The following DOK5 variants were observed in gnomAD, a reference collection of about 807,000 sequenced individuals.
DOK5 encodes docking protein 5, also known as downstream of tyrosine kinase 5.
In DOK5, 27 loss-of-function variants were observed where a neutral mutation model predicts 43.3. The observed-to-expected ratio is 0.62, with a 90% CI of 0.46 to 0.86. The LOEUF is 0.86. Among genes scored for constraint, DOK5 ranks in the 40% least tolerant of loss-of-function variants. The pLI is 0.00. For missense variants in DOK5, 373 were observed against 392.9 expected (o/e 0.95, Z 0.43); for synonymous variants, 146 against 140.1 (o/e 1.04, Z -0.30).
At chr20:54,505,890 G>A (rs145673100) in intron 1 of DOK5, among the ~76,000 whole-genome samples, 113 of 152,340 alleles carry the variant, frequency 7.4e-4, no homozygotes, top group African/African-American at 2.6e-3. Context: ...TGGTGGAGAG[G>A]AGAGACCTGA....
At chr20:54,610,643 A>G in intron 6 of DOK5, 120 bp downstream of exon 6, 2 of 1,153,150 alleles carry the variant, frequency 1.7e-6, no homozygotes, top group Non-Finnish European at 2.3e-6. Flanking sequence ...TCCTCTTCTC[A>G]ACAGTGTATC....
rs763459430 is a variant in DOK5, at chr20:54,588,556, A to G, written c.248A>G (p.Tyr83Cys). Residue 83 changes from tyrosine to cysteine, a missense_variant, in exon 3 of 8, where the codon TAT (tyrosine) becomes TGT (cysteine). By Grantham distance (194) the Tyr-to-Cys change is radical (BLOSUM62 -2). Coordinates refer to ENST00000262593, the MANE Select transcript of DOK5 (RefSeq NM_018431.5). ...KSTKKHAIGI[Y>C]FNDDTSKTFA... ...ACCAAGAAACATGCCATAGGGATTTATTTCAATGACGATACCTCCAAGACT... is the reference window on the plus strand; with the variant it reads ...ACCAAGAAACATGCCATAGGGATTTGTTTCAATGACGATACCTCCAAGACT... 1 of 1,614,202 alleles carries G rather than the reference A, an allele frequency of 6.2e-7. No individual in the cohort carries two copies. Among genetic ancestry groups the G allele is most frequent in the South Asian group, 1.1e-5 (1 of 91,090 alleles).
chr20:54,485,481 C>CT (rs1487980977), intron 1 of DOK5, among the ~76,000 whole-genome samples: 2 of 151,616 alleles, frequency 1.3e-5, no homozygotes, highest in Non-Finnish European at 2.9e-5. Flanking sequence ...TAAGTTTGTT[C>CT]TTTTTTCTTG....
intron 1 of DOK5, among the ~76,000 whole-genome samples, chr20:54,501,341 C>A (rs945473303): frequency 6.6e-6 from 1 of 151,706 alleles, no homozygotes; most frequent in Non-Finnish European, 1.5e-5. Context: ...GTGGTGGGCG[C>A]CTGTAGACCC....
At chr20:54,493,782 A>C (rs1166180012) in intron 1 of DOK5, among the ~76,000 whole-genome samples, 2 of 151,906 alleles carry the variant, frequency 1.3e-5, no homozygotes, top group Non-Finnish European at 2.9e-5. Context: ...TACAAAAATT[A>C]AAAAAACTTT....
intron 1 of DOK5, among the ~76,000 whole-genome samples, chr20:54,542,176 G>A (rs1337785487): frequency 6.6e-6 from 1 of 150,830 alleles, no homozygotes; most frequent in Non-Finnish European, 1.5e-5. Flanking sequence ...TTGTATGAAA[G>A]CACAACAAAG....
chr20:54,556,423 C>G (rs77335675), intron 2 of DOK5, among the ~76,000 whole-genome samples: 1 of 152,128 alleles, frequency 6.6e-6, no homozygotes, highest in Admixed American at 6.5e-5. Flanking sequence ...ATCCATGAAG[C>G]CAGTGATAGC....
chr20:54,523,746 C>G (rs958907859), intron 1 of DOK5, among the ~76,000 whole-genome samples: 1 of 150,162 alleles, frequency 6.7e-6, no homozygotes, highest in Non-Finnish European at 1.5e-5. Context: ...GCTGGGATTA[C>G]AGGTGTGCAC....
chr20:54,578,875 T>C (rs1985540826), intron 2 of DOK5, among the ~76,000 whole-genome samples: 1 of 152,130 alleles, frequency 6.6e-6, no homozygotes, highest in Non-Finnish European at 1.5e-5. Context: ...AATGGCCCTA[T>C]TGAGATGAGT....
At chr20:54,573,848 A>C (rs1985372376) in intron 2 of DOK5, among the ~76,000 whole-genome samples, 2 of 152,144 alleles carry the variant, frequency 1.3e-5, no homozygotes, top group African/African-American at 2.4e-5. Flanking sequence ...TGCCCACTAG[A>C]TAAGCAGAAC....
intron 1 of DOK5, among the ~76,000 whole-genome samples, chr20:54,548,956 C>A (rs530224482): frequency 1.3e-5 from 2 of 152,120 alleles, no homozygotes; most frequent in African/African-American, 4.8e-5. Context: ...TTTAGTTTAA[C>A]GGATTACATT....
At chr20:54,543,108 T>G (rs1600691196) in intron 1 of DOK5, among the ~76,000 whole-genome samples, 2 of 152,306 alleles carry the variant, frequency 1.3e-5, no homozygotes, top group South Asian at 4.1e-4. Flanking sequence ...TGATGAATTG[T>G]GTTAAAAGAT....
In DOK5 at chr20:54,549,557, A is replaced by C. The variant is rs560103216; in HGVS notation, c.67-5376A>C. On this transcript the variant is annotated intron_variant, in intron 1 of 7. Transcript: ENST00000262593. ...AAGAAATGAGAAAAAAGTCCCCTAGACTTAATACCGATGGGTCAAAAATGG... is the reference window on the plus strand; with the variant it reads ...AAGAAATGAGAAAAAAGTCCCCTAGCCTTAATACCGATGGGTCAAAAATGG... Among the ~76,000 whole-genome samples the C allele has an allele frequency of 1.2e-4, 18 of 152,316 alleles. No individual in the cohort carries two copies. In the East Asian group the frequency reaches 3.5e-3, roughly 29 times the overall value.
At chr20:54,615,296 C>A (rs887587948) in intron 6 of DOK5, among the ~76,000 whole-genome samples, 1 of 152,126 alleles carries the variant, frequency 6.6e-6, no homozygotes, top group African/African-American at 2.4e-5. Context: ...TAATGGCTCC[C>A]CAAATACGCC....
At chr20:54,626,291 G>T (rs371101576) in intron 6 of DOK5, among the ~76,000 whole-genome samples, 2 of 152,124 alleles carry the variant, frequency 1.3e-5, no homozygotes, top group South Asian at 2.1e-4. Context: ...TAGGAAGCAT[G>T]TGAGCAGAAA....
intron 2 of DOK5, among the ~76,000 whole-genome samples, chr20:54,565,749 G>C (rs1214609954): frequency 6.6e-6 from 1 of 152,288 alleles, no homozygotes; most frequent in South Asian, 2.1e-4. Context: ...ATGGTCGGGC[G>C]CAGTGGCTCA....
Position 54,537,833 on chromosome 20 carries a change from T to C in DOK5, c.67-17100T>C, listed in dbSNP as rs78402015. ...TTAAGTGAAATGATGTACAAGTTCT[T>C]TTTTTTTTTTTTTTTTTTTTTTTGA... is the stretch of plus-strand genomic sequence containing the variant. On this transcript the variant is annotated intron_variant, in intron 1 of 7. Coordinates refer to ENST00000262593, the MANE Select transcript of DOK5 (RefSeq NM_018431.5). Among the ~76,000 whole-genome samples the C allele has an allele frequency of 7.8e-3, 966 of 123,320 alleles. 4 individuals carry two copies. Among genetic ancestry groups the C allele is most frequent in the African/African-American group, 0.037 (918 of 24,780 alleles). 80.9% of individuals were successfully genotyped at this position (123,320 alleles called of 152,430 possible).
intron 1 of DOK5, among the ~76,000 whole-genome samples, chr20:54,541,253 G>A (rs1012013566): frequency 2.6e-5 from 4 of 151,894 alleles, no homozygotes; most frequent in African/African-American, 9.7e-5. Flanking sequence ...CACTTTCATC[G>A]TGGTCCAAGT....
chr20:54,592,237 T>A (rs1985997783), intron 5 of DOK5, among the ~76,000 whole-genome samples: 1 of 151,896 alleles, frequency 6.6e-6, no homozygotes, highest in Non-Finnish European at 1.5e-5. Flanking sequence ...GCCCATGGAG[T>A]TTTTACCAGC....
Sources: allele counts gnomAD v4.1 joint callset (sites outside exome capture counted in the v4.1 genomes callset), GRCh38; gene constraint gnomAD v4.1.1; transcripts MANE v1.5; gene names NCBI Gene and HGNC (gene_info 2026-07-23, HGNC 2026-07-21).